Variants in DHX34 observed in about 807,000 individuals in gnomAD.
DHX34 encodes the protein probable ATP-dependent RNA helicase DHX34.
DHX34 carries 96 observed loss-of-function variants against 111.1 expected under a neutral mutation model. That is an observed-to-expected ratio of 0.86 (90% CI 0.73 to 1.02). DHX34 has a LOEUF of 1.02. Among genes scored for constraint, DHX34 ranks in the 50% least tolerant of loss-of-function variants. The pLI, the probability that DHX34 is intolerant of heterozygous loss-of-function variation, is 0.00. For synonymous variants in DHX34, 688 were observed against 670.4 expected, an observed-to-expected ratio of 1.03 and a Z score of -0.41; for missense variants, 1,560 against 1,579.9, an observed-to-expected ratio of 0.99 and a Z score of 0.21.
chr19:47,373,618 G>C lies in DHX34; in HGVS notation c.1982G>C (p.Arg661Thr). ...ACCCAGGTGAAATCTGAACGGAGCA[G>C]AAACTCTCGCAAGTGGTGCCGCCGC... ...AWVQVKSERS[R>T]NSRKWCRRRG... The change falls in exon 9 of 17, where the codon AGA (arginine) becomes ACA (threonine). Residue 661 changes from arginine to threonine, a missense_variant. By Grantham distance (71) the Arg-to-Thr change is moderately conservative. Transcript: ENST00000328771. The C allele has an allele frequency of 6.2e-7, 1 of 1,613,916 alleles. No homozygotes were observed. The highest frequency in any genetic ancestry group is 2.2e-5 in the East Asian group (1 of 44,882).
intron 6 of DHX34, 38 bp from the exon 7 acceptor site, chr19:47,366,943 G>T (rs1269683020): frequency 2.6e-6 from 4 of 1,517,666 alleles, no homozygotes; most frequent in Admixed American, 4.3e-5. Context: ...AGTGGCTCTT[G>T]TGTTCCCCAA....
intron 7 of DHX34, among the ~76,000 whole-genome samples, 158 bp downstream of exon 7, chr19:47,367,313 T>C (rs534416531): frequency 6.6e-6 from 1 of 152,284 alleles, no homozygotes; most frequent in African/African-American, 2.4e-5. Flanking sequence ...GTGCTGGGCA[T>C]ATAGCAGTGG....
chr19:47,355,863 A>C (rs1483602234), intron 3 of DHX34, among the ~76,000 whole-genome samples: 1 of 151,910 alleles, frequency 6.6e-6, no homozygotes, highest in East Asian at 1.9e-4. Flanking sequence ...AAAAAAAAAA[A>C]GACCCAAAAA....
At position 47,368,145 on chromosome 19, in the gene DHX34, G is replaced by C. The variant is rs528205015; in HGVS notation, c.1768+990G>C. 7.8e-3 allele frequency among the ~76,000 whole-genome samples: 1,174 copies of C among 150,380 alleles called. 23 individuals carry two copies. Among genetic ancestry groups the C allele is most frequent in the African/African-American group, 0.027 (1,107 of 40,910 alleles). On this transcript the variant is annotated intron_variant, in intron 7 of 16. Transcript: ENST00000328771. ...TGGACAGTGCAGATGGTGCATGAGGGTGTTCGGGCAGTGGGAACAGCCAGT... is the reference window on the plus strand; with the variant it reads ...TGGACAGTGCAGATGGTGCATGAGGCTGTTCGGGCAGTGGGAACAGCCAGT...
rs1015070261 is a variant in DHX34, at chr19:47,376,745, G to A, written c.2599+185G>A. The A allele has an allele frequency of 4.9e-6, 7 of 1,433,380 alleles. No homozygotes were observed. The South Asian group carries it at 5.6e-5, about 11-fold the overall frequency. The allele number at this position is 1,433,380 out of a possible 1,614,324, so 88.8% of individuals were successfully genotyped here. A position where few individuals can be genotyped will look rare whatever the true frequency, so the allele number is the denominator to read the frequency against. The stretch of plus-strand genomic sequence containing the variant: ...AGCCTTGGGTGACTCACCCCTGCTG[G>A]GCCTCACCTTCCGCATGGTGGTGAT... On this transcript the variant is annotated intron_variant, in intron 12 of 16. Transcript: ENST00000328771.
intron 7 of DHX34, among the ~76,000 whole-genome samples, chr19:47,367,537 A>C (rs1969828951): frequency 6.6e-6 from 1 of 152,154 alleles, no homozygotes; most frequent in Non-Finnish European, 1.5e-5. Flanking sequence ...ACATCTGTGC[A>C]GAGAAATGGA....
Position 47,376,458 on chromosome 19 carries a change from G to A in DHX34, c.2497G>A (p.Ala833Thr). The change falls in exon 12 of 17, where the codon GCC becomes ACC. Residue 833 changes from alanine (A) to threonine (T), a missense_variant. Ala to Thr is a moderately conservative substitution (Grantham distance 58). Transcript: ENST00000328771. ...TCCTCCGCAGATTTTCCACACGCAG[G>A]CCAAGCAGGGCGCCGTGCTGCACCC... The part of the protein sequence containing the change: ...KDSDQIFHTQ[A>T]KQGAVLHPTC... 6.2e-7 allele frequency: 1 copy of A among 1,611,606 alleles called. No individual in the cohort carries two copies. The highest frequency in any genetic ancestry group is 8.5e-7 in the Non-Finnish European group (1 of 1,179,148).
chr19:47,373,325 T>G (rs1347152107), intron 8 of DHX34, among the ~76,000 whole-genome samples: 2 of 152,164 alleles, frequency 1.3e-5, no homozygotes, highest in Non-Finnish European at 2.9e-5. Context: ...CACAGCCCAG[T>G]GCAGGGAGAC....
rs1057000349 is a variant in DHX34 at position 47,376,508 on chromosome 19, C to T, written c.2547C>T (p.Pro849=). Residue 849 remains proline, a synonymous_variant, in exon 12 of 17, where the codon CCC becomes CCT. Transcript: ENST00000328771. ...LHPTCVFAGS[P]EVLHAQELEA... Reference sequence around the variant, plus strand: ...CCACCTGCGTCTTCGCTGGCAGCCCCGAGGTGCTGCACGCACAGGAGCTGG... The same window carrying T: ...CCACCTGCGTCTTCGCTGGCAGCCCTGAGGTGCTGCACGCACAGGAGCTGG... The T allele has an allele frequency of 1.3e-5, 20 of 1,597,838 alleles. No homozygotes were observed. Among genetic ancestry groups the T allele is most frequent in the East Asian group, 2.3e-5 (1 of 43,988 alleles).
At chr19:47,373,039 C>T (rs916455900) in intron 8 of DHX34, 116 bp downstream of exon 8, 14 of 1,328,298 alleles carry the variant, frequency 1.1e-5, no homozygotes, top group Non-Finnish European at 1.3e-5. Flanking sequence ...GACCACTGAG[C>T]CCCCCACAGA....
chr19:47,364,957 A>G (rs1198761236), intron 6 of DHX34, among the ~76,000 whole-genome samples: 1 of 152,060 alleles, frequency 6.6e-6, no homozygotes, highest in African/African-American at 2.4e-5. Context: ...ATCCGGAGGC[A>G]GAAGCAAGGA....
intron 7 of DHX34, 160 bp from the exon 8 acceptor site, chr19:47,372,570 C>T (rs894845254): frequency 1.9e-5 from 19 of 980,560 alleles, no homozygotes; most frequent in South Asian, 9.5e-5. Context: ...AAGCACAGCG[C>T]GTGGGTTTGA....
intron 7 of DHX34, among the ~76,000 whole-genome samples, chr19:47,371,471 G>A (rs115261562): frequency 6.1e-4 from 93 of 152,346 alleles, no homozygotes; most frequent in African/African-American, 2.2e-3. Context: ...GGGAAGCAGC[G>A]TCACGGCGAG....
chr19:47,365,082 T>C (rs531564616), intron 6 of DHX34, among the ~76,000 whole-genome samples: 1 of 152,176 alleles, frequency 6.6e-6, no homozygotes, highest in Non-Finnish European at 1.5e-5. Context: ...GTTCACCCTA[T>C]GCCCCGCAAT....
At chr19:47,357,827 G>A in intron 3 of DHX34, 39 bp from the exon 4 acceptor site, 2 of 1,591,860 alleles carry the variant, frequency 1.3e-6, no homozygotes, top group Non-Finnish European at 1.7e-6. Context: ...TGAGCTGGAG[G>A]GACAGGGTGT....
At chr19:47,363,747 G>T (rs1849228411) in intron 6 of DHX34, among the ~76,000 whole-genome samples, 1 of 148,972 alleles carries the variant, frequency 6.7e-6, no homozygotes, top group Non-Finnish European at 1.5e-5. Flanking sequence ...GAACCCAGGA[G>T]GTGGAGGTTG....
In DHX34 at chr19:47,355,257, C is replaced by T; in HGVS notation, c.924C>T (p.Ile308=). 4 of 1,614,172 alleles carry T rather than the reference C, an allele frequency of 2.5e-6. No individual in the cohort carries two copies. Among genetic ancestry groups the T allele is most frequent in the East Asian group, 2.2e-5 (1 of 44,866 alleles). ...CCACGCGGCCTGACCTCAAGGTCAT[C>T]CTCATGTCGGCCACCATCAACATCT... ...LLPTRPDLKV[I]LMSATINISL... is the part of the protein sequence containing the mutation. Residue 308 remains isoleucine (I), a synonymous_variant, in exon 3 of 17, where the codon ATC becomes ATT. Transcript: ENST00000328771.
chr19:47,358,534 G>A (rs1969530343), intron 4 of DHX34, among the ~76,000 whole-genome samples: 1 of 150,682 alleles, frequency 6.6e-6, no homozygotes, highest in South Asian at 2.1e-4. Context: ...GCTCACTGCA[G>A]CCTTGACTTC....
chr19:47,356,169 C>T (rs1435252006), intron 3 of DHX34, among the ~76,000 whole-genome samples: 1 of 152,098 alleles, frequency 6.6e-6, no homozygotes, highest in Non-Finnish European at 1.5e-5. Flanking sequence ...AAAATGTCTC[C>T]AGACATTGCC....
Sources: gnomAD v4.1 joint callset for allele counts (sites outside exome capture counted in the v4.1 genomes callset) on GRCh38, gnomAD v4.1.1 for gene constraint, MANE v1.5 for transcripts, NCBI Gene and HGNC (gene_info 2026-07-23, HGNC 2026-07-21) for gene names.